The following MFSD6 variants were observed in gnomAD, a reference collection of about 807,000 sequenced individuals.
MFSD6 encodes the protein major facilitator superfamily domain-containing protein 6.
In MFSD6, 26 loss-of-function variants were observed where a neutral mutation model predicts 56.3. The ratio of observed to expected loss-of-function variants is 0.46; its 90% confidence interval spans 0.34 to 0.64. The LOEUF (loss-of-function observed/expected upper bound fraction) is 0.64, where lower values mean the gene tolerates loss of function less well. Ranked by LOEUF, MFSD6 falls within the 30% of genes least tolerant of loss-of-function variation. The pLI, the probability that MFSD6 is intolerant of heterozygous loss-of-function variation, is 0.01. For missense variants in MFSD6, 750 were observed against 986.2 expected (o/e 0.76, Z 3.21); for synonymous variants, 331 against 366.9 (o/e 0.90, Z 1.12).
chr2:190,420,973 T>C lies in MFSD6; in HGVS notation c.-54+5560T>C, dbSNP rs1685593906. Among the ~76,000 whole-genome samples the C allele has an allele frequency of 2.6e-5, 4 of 152,242 alleles. No homozygotes were observed. In the South Asian group the frequency reaches 8.3e-4, roughly 31 times the overall value. ...ATTTCCATAACGACTTTGTATTTGTTGATACTGTGAGAACTACTTAACATC... is the reference window on the plus strand; with the variant it reads ...ATTTCCATAACGACTTTGTATTTGTCGATACTGTGAGAACTACTTAACATC... On this transcript the variant is annotated intron_variant, in intron 2 of 7. Transcript: ENST00000392328.
Position 190,412,598 on chromosome 2 carries a change from G to A in MFSD6, c.-175-2694G>A. On this transcript the variant is annotated intron_variant, in intron 1 of 7. Coordinates refer to ENST00000392328, the MANE Select transcript of MFSD6 (RefSeq NM_017694.4). The surrounding 1 kb of genome is among the most constrained non-coding windows in gnomAD (Gnocchi z 4.1). ...ACACATCTGATGTCAATTCTGTGTG[G>A]GGCAATGAAAACACCTTAATGCCTC... is the stretch of plus-strand genomic sequence containing the variant. 1 of 985,170 alleles carries A rather than the reference G, an allele frequency of 1.0e-6. No individual in the cohort carries two copies. Among genetic ancestry groups the A allele is most frequent in the Non-Finnish European group, 1.2e-6 (1 of 829,854 alleles). The allele number at this position is 985,170 out of a possible 1,614,324, so 61.0% of individuals were successfully genotyped here.
At position 190,436,730 on chromosome 2, in the gene MFSD6, C is replaced by T; in HGVS notation, c.701C>T (p.Thr234Ile). 2 of 1,614,210 alleles carry T rather than the reference C, an allele frequency of 1.2e-6. No homozygotes were observed. Among genetic ancestry groups the T allele is most frequent in the Non-Finnish European group, 1.7e-6 (2 of 1,180,042 alleles). ...CTGCAGCCCCAGACAGGTGAAATTA[C>T]TAACCGTATGATGGACTTGACTTTG... The part of the protein sequence containing the change: ...PTLQPQTGEI[T>I]NRMMDLTLNS... Residue 234 changes from threonine (T) to isoleucine (I), a missense_variant, in exon 3 of 8, where the codon ACT becomes ATT. Physicochemically the swap from Thr to Ile is moderately conservative, Grantham distance 89. Around this residue, in one of 5 missense-constraint regions of MFSD6, gnomAD observed 376 missense variants for 437.9 expected, o/e 0.86. Transcript: ENST00000392328. This position sits in a 1 kb window ranked among gnomAD's most constrained non-coding sequence, Gnocchi z 5.3.
rs1351443978 is a variant in MFSD6 at position 190,462,520 on chromosome 2, C to T, written c.1533-7238C>T. Among the ~76,000 whole-genome samples the T allele has an allele frequency of 6.6e-6, 1 of 152,158 alleles. No individual in the cohort carries two copies. Among genetic ancestry groups the T allele is most frequent in the Non-Finnish European group, 1.5e-5 (1 of 68,036 alleles). On this transcript the variant is annotated intron_variant, in intron 3 of 7. Transcript: ENST00000392328. The surrounding 1 kb of genome is among the most constrained non-coding windows in gnomAD (Gnocchi z 5.7). ...GTTATGGATTCATGGAGTGCCTGAG[C>T]AAGGCAGGCTCTTTTTGAGTACAAA...
rs1030027169 is a variant in MFSD6, at chr2:190,434,033, A to G, written c.-53-1944A>G. On this transcript the variant is annotated intron_variant, in intron 2 of 7. Transcript: ENST00000392328. This position sits in a 1 kb window ranked among gnomAD's most constrained non-coding sequence, Gnocchi z 4.3. ...TGGCAAAAACCCCATCTCTACAAAA[A>G]TTAGTTGGGCATGGTGGCACACGTC... Among the ~76,000 whole-genome samples, 2 of 152,016 alleles carry G rather than the reference A, an allele frequency of 1.3e-5. No individual in the cohort carries two copies. The highest frequency in any genetic ancestry group is 2.9e-5 in the Non-Finnish European group (2 of 68,002).
At position 190,465,841 on chromosome 2, in the gene MFSD6, A is replaced by G. The variant is rs866558239; in HGVS notation, c.1533-3917A>G. Among the ~76,000 whole-genome samples, 20 of 152,148 alleles carry G rather than the reference A, an allele frequency of 1.3e-4. No homozygotes were observed. Among genetic ancestry groups the G allele is most frequent in the Admixed American group, 3.3e-4 (5 of 15,282 alleles). On this transcript the variant is annotated intron_variant, in intron 3 of 7. Coordinates refer to ENST00000392328, the MANE Select transcript of MFSD6 (RefSeq NM_017694.4). This position sits in a 1 kb window ranked among gnomAD's most constrained non-coding sequence, Gnocchi z 4.6. The stretch of plus-strand genomic sequence containing the variant: ...AACCCCATCTCTACTAAAAATACAA[A>G]AATTAGCCGGGCCTGGTAGCATGCA...
intron 2 of MFSD6, among the ~76,000 whole-genome samples, chr2:190,427,657 T>C (rs7602686): frequency 0.011 from 1,668 of 152,306 alleles, 34 homozygotes; most frequent in African/African-American, 0.037. Context: ...TCTAGGGTTT[T>C]TAGTTGTACT....
intron 3 of MFSD6, among the ~76,000 whole-genome samples, chr2:190,440,487 CT>C (rs1339751172): frequency 6.6e-6 from 1 of 152,146 alleles, no homozygotes; most frequent in Admixed American, 6.5e-5. Flanking sequence ...TATTTTTAGG[CT>C]ATAAATGATT....
Position 190,425,593 on chromosome 2 carries a change from T to C in MFSD6, c.-54+10180T>C, listed in dbSNP as rs1331608662. 1.3e-5 allele frequency among the ~76,000 whole-genome samples: 2 copies of C among 152,210 alleles called. No individual in the cohort carries two copies. The highest frequency in any genetic ancestry group is 2.9e-5 in the Non-Finnish European group (2 of 68,040). On this transcript the variant is annotated intron_variant, in intron 2 of 7. Transcript: ENST00000392328. This position sits in a 1 kb window ranked among gnomAD's most constrained non-coding sequence, Gnocchi z 4.3. Reference sequence around the variant, plus strand: ...TTATTTTATCAAGTGTTTTTCTGCATTGATTGGTAAGCTGAAGTAATTTTT... The same window carrying C: ...TTATTTTATCAAGTGTTTTTCTGCACTGATTGGTAAGCTGAAGTAATTTTT...
chr2:190,473,745 A>G (rs1366536513), intron 4 of MFSD6, among the ~76,000 whole-genome samples: 1 of 152,214 alleles, frequency 6.6e-6, no homozygotes, highest in African/African-American at 2.4e-5. Context: ...AGAACTCTCC[A>G]CCCCAAATCA....
chr2:190,499,757 T>G lies in MFSD6; in HGVS notation c.2173-258T>G. The stretch of plus-strand genomic sequence containing the variant: ...ACTGTTTACCAAGTACTAACAGACA[T>G]TTTGGTAGTAATGTTCCTTTTTCCA... On this transcript the variant is annotated intron_variant, in intron 7 of 7. Transcript: ENST00000392328. This position sits in a 1 kb window ranked among gnomAD's most constrained non-coding sequence, Gnocchi z 6.0. 7.2e-7 allele frequency: 1 copy of G among 1,381,970 alleles called. No homozygotes were observed. Among genetic ancestry groups the G allele is most frequent in the Non-Finnish European group, 9.7e-7 (1 of 1,028,314 alleles). The allele number at this position is 1,381,970 out of a possible 1,614,324, so 85.6% of individuals were successfully genotyped here. A position where few individuals can be genotyped will look rare whatever the true frequency, so the allele number is the denominator to read the frequency against.
At position 190,431,110 on chromosome 2, in the gene MFSD6, C is replaced by T. The variant is rs1256702436; in HGVS notation, c.-53-4867C>T. Among the ~76,000 whole-genome samples, 43 of 143,894 alleles carry T rather than the reference C, an allele frequency of 3.0e-4. No individual in the cohort carries two copies. The highest frequency in any genetic ancestry group is 1.5e-3 in the Admixed American group (21 of 14,338). The allele number at this position is 143,894 out of a possible 152,430, so 94.4% of individuals were successfully genotyped here. A position where few individuals can be genotyped will look rare whatever the true frequency, so the allele number is the denominator to read the frequency against. ...GGCGCTCCTCACATCCCAGACAGGG[C>T]GGCGGGGCAGAGGCGCTCCCCACAT... On this transcript the variant is annotated intron_variant, in intron 2 of 7. Transcript: ENST00000392328. This position sits in a 1 kb window ranked among gnomAD's most constrained non-coding sequence, Gnocchi z 4.4.
At chr2:190,472,867 A>G (rs1688032445) in intron 4 of MFSD6, among the ~76,000 whole-genome samples, 1 of 152,256 alleles carries the variant, frequency 6.6e-6, no homozygotes, top group Admixed American at 6.5e-5. Context: ...AGGGAAGCCC[A>G]TCAGATTAAC....
chr2:190,442,443 G>A (rs1486993736), intron 3 of MFSD6: 1 of 151,968 alleles, frequency 6.6e-6, no homozygotes, highest in Non-Finnish European at 1.5e-5. Context: ...TTCAAAGCAG[G>A]GAGGACCATA....
chr2:190,468,036 A>G (rs991766215), intron 3 of MFSD6, among the ~76,000 whole-genome samples: 3 of 152,222 alleles, frequency 2.0e-5, no homozygotes, highest in African/African-American at 7.2e-5. Flanking sequence ...TAGAATTTGT[A>G]AAAGGAGGCA....
rs1690674554 is a variant in MFSD6 at position 190,413,956 on chromosome 2, G to A, written c.-175-1336G>A. Among the ~76,000 whole-genome samples the A allele has an allele frequency of 6.6e-6, 1 of 152,154 alleles. No individual in the cohort carries two copies. Among genetic ancestry groups the A allele is most frequent in the African/African-American group, 2.4e-5 (1 of 41,432 alleles). ...TTCTTAACTGTTCAGGGCACTTTTA[G>A]GGACAAAGTTAAGGTAGAACATACT... On this transcript the variant is annotated intron_variant, in intron 1 of 7. Coordinates refer to ENST00000392328, the MANE Select transcript of MFSD6 (RefSeq NM_017694.4). This position sits in a 1 kb window ranked among gnomAD's most constrained non-coding sequence, Gnocchi z 4.1.
rs1192671728 is a variant in MFSD6, at chr2:190,467,802, T to C, written c.1533-1956T>C. On this transcript the variant is annotated intron_variant, in intron 3 of 7. Transcript: ENST00000392328. This position sits in a 1 kb window ranked among gnomAD's most constrained non-coding sequence, Gnocchi z 5.5. ...GACACATGAAAATTATTTTATGAAG[T>C]TTGCATTTCAGTGTTCATAATTCAG... Among the ~76,000 whole-genome samples the C allele has an allele frequency of 3.3e-5, 5 of 152,168 alleles. No homozygotes were observed.
At chr2:190,474,186 G>A (rs1329155366) in intron 4 of MFSD6, among the ~76,000 whole-genome samples, 2 of 152,052 alleles carry the variant, frequency 1.3e-5, no homozygotes, top group Admixed American at 1.3e-4. Flanking sequence ...ACATTCAAAA[G>A]CTAGCAGAAG....
In MFSD6 at chr2:190,497,870, C is replaced by A; in HGVS notation, c.2172+151C>A. The stretch of plus-strand genomic sequence containing the variant: ...GCAAACAATTTCAGTACTCTGTGAG[C>A]ACTGAGTTAAAGAGGGTGTATACAA... On this transcript the variant is annotated intron_variant, in intron 7 of 7. Coordinates refer to ENST00000392328, the MANE Select transcript of MFSD6 (RefSeq NM_017694.4). The surrounding 1 kb of genome is among the most constrained non-coding windows in gnomAD (Gnocchi z 5.2). The A allele has an allele frequency of 1.1e-6, 1 of 891,968 alleles. No homozygotes were observed. The highest frequency in any genetic ancestry group is 1.7e-6 in the Non-Finnish European group (1 of 597,420). The allele number at this position is 891,968 out of a possible 1,614,324, so 55.3% of individuals were successfully genotyped here. A position where few individuals can be genotyped will look rare whatever the true frequency, so the allele number is the denominator to read the frequency against.
chr2:190,488,899 A>G lies in MFSD6; in HGVS notation c.1792+81A>G, dbSNP rs565174230. On this transcript the variant is annotated intron_variant, in intron 5 of 7. Transcript: ENST00000392328. This position sits in a 1 kb window ranked among gnomAD's most constrained non-coding sequence, Gnocchi z 6.4. Reference sequence around the variant, plus strand: ...CAGCAATACCTCAATAAACAATCCAATTATTACTGAAGATTGCCCAAAGCT... The same window carrying G: ...CAGCAATACCTCAATAAACAATCCAGTTATTACTGAAGATTGCCCAAAGCT... 6.9e-6 allele frequency: 9 copies of G among 1,298,244 alleles called. No individual in the cohort carries two copies. The highest frequency in any genetic ancestry group is 4.5e-5 in the African/African-American group (3 of 65,998). 80.4% of individuals were successfully genotyped at this position (1,298,244 alleles called of 1,614,324 possible). A position where few individuals can be genotyped will look rare whatever the true frequency, so the allele number is the denominator to read the frequency against.
Sources: gnomAD v4.1 joint callset for allele counts (sites outside exome capture counted in the v4.1 genomes callset) on GRCh38, gnomAD v4.1.1 for gene constraint, gnomAD v4.1.1 regional missense constraint, Gnocchi (gnomAD v3.1) non-coding constraint, MANE v1.5 for transcripts, NCBI Gene and HGNC (gene_info 2026-07-23, HGNC 2026-07-21) for gene names.